Variants in SAMD5 observed in about 807,000 individuals in gnomAD.
The protein encoded by SAMD5 is sterile alpha motif domain containing 5.
A neutral mutation model predicts 11.3 loss-of-function variants in SAMD5; 13 were observed. The ratio of observed to expected loss-of-function variants is 1.15; its 90% confidence interval spans 0.75 to 1.83. The LOEUF is 1.83. Among genes scored for constraint, SAMD5 ranks in the 40% most tolerant of loss-of-function variants. The pLI, the probability that SAMD5 is intolerant of heterozygous loss-of-function variation, is 0.00. For missense variants in SAMD5, 255 were observed against 239.1 expected (o/e 1.07, Z -0.44); for synonymous variants, 129 against 111.3 (o/e 1.16, Z -1.00).
chr6:147,772,317 G>C, the SAMD5 span, among the ~76,000 whole-genome samples: 1 of 152,038 alleles, frequency 6.6e-6, no homozygotes, highest in African/African-American at 2.4e-5. Context: ...GGGATGCTCA[G>C]AACTTCAAGA....
At chr6:147,799,486 C>G in the SAMD5 span, among the ~76,000 whole-genome samples, 2 of 151,478 alleles carry the variant, frequency 1.3e-5, no homozygotes, top group African/African-American at 2.4e-5. Context: ...ACCTTTCTCT[C>G]TGGCTGCCCT....
At chr6:147,797,956 C>G in the SAMD5 span, among the ~76,000 whole-genome samples, 1 of 151,220 alleles carries the variant, frequency 6.6e-6, no homozygotes, top group Non-Finnish European at 1.5e-5. Flanking sequence ...ATTCTTCTCT[C>G]TTTTTTTCTT....
Position 147,567,200 on chromosome 6 carries a change from C to T in SAMD5, c.*2744C>T. 3.0e-6 allele frequency: 3 copies of T among 985,320 alleles called. No homozygotes were observed. The highest frequency in any genetic ancestry group is 3.6e-6 in the Non-Finnish European group (3 of 829,828). 61.0% of individuals were successfully genotyped at this position (985,320 alleles called of 1,614,324 possible). On this transcript the variant is annotated 3_prime_UTR_variant, in exon 2 of 2. Coordinates refer to ENST00000367474, the MANE Select transcript of SAMD5 (RefSeq NM_001030060.3). ...CATAGGGAAGGCGTAATGTTAAGGGCTTCTTCCTTACCCAAGTGGGAGCTG... is the reference window on the plus strand; with the variant it reads ...CATAGGGAAGGCGTAATGTTAAGGGTTTCTTCCTTACCCAAGTGGGAGCTG...
the SAMD5 span, among the ~76,000 whole-genome samples, chr6:147,874,875 G>A: frequency 2.0e-5 from 3 of 151,884 alleles, no homozygotes; most frequent in Non-Finnish European, 2.9e-5. Context: ...TGTGGGATTC[G>A]GGCAGGACTT....
the SAMD5 span, among the ~76,000 whole-genome samples, chr6:147,899,189 A>AAAAAAAAAAAT: frequency 8.1e-6 from 1 of 123,464 alleles, no homozygotes; most frequent in East Asian, 2.4e-4. Context: ...AAAAAAAAAA[A>AAAAAAAAAAAT]AAAAGATAAC....
chr6:147,697,836 C>G (rs1439427742), intron 1 of SAMD5, among the ~76,000 whole-genome samples: 1 of 152,032 alleles, frequency 6.6e-6, no homozygotes. Flanking sequence ...TCAGATAAAA[C>G]AAATGTAAGG....
At chr6:147,559,057 AAGTAC>A (rs1400665240) in intron 1 of SAMD5, among the ~76,000 whole-genome samples, 3 of 152,170 alleles carry the variant, frequency 2.0e-5, no homozygotes, top group Non-Finnish European at 4.4e-5. Context: ...TAATGGTTGA[AAGTAC>A]AGTACAGAAT....
the SAMD5 span, among the ~76,000 whole-genome samples, chr6:147,816,921 C>A: frequency 6.8e-6 from 1 of 148,100 alleles, no homozygotes; most frequent in Non-Finnish European, 1.5e-5. Context: ...GTCCTGTAGT[C>A]TAGTTCAGGT....
chr6:147,729,911 C>G (rs1210367405), intron 1 of SAMD5: 1 of 437,242 alleles, frequency 2.3e-6, no homozygotes, highest in Non-Finnish European at 4.5e-6. Context: ...ATGGTGAAAC[C>G]CTGTCTCTAC....
chr6:147,762,355 CATCCAGCTAATTT>C, the SAMD5 span, among the ~76,000 whole-genome samples: 1 of 151,920 alleles, frequency 6.6e-6, no homozygotes, highest in African/African-American at 2.4e-5. Context: ...TGTGCCACCA[CATCCAGCTAATTT>C]TTGTATTTTT....
chr6:147,512,392 T>G (rs1294170704), intron 1 of SAMD5, among the ~76,000 whole-genome samples: 1 of 152,134 alleles, frequency 6.6e-6, no homozygotes, highest in African/African-American at 2.4e-5. Context: ...TGAAGGTGAA[T>G]TATGCCAAAG....
In SAMD5 at chr6:147,616,980, G is replaced by C. The variant is rs1789882268; in HGVS notation, c.162+107593G>C. On this transcript the variant is annotated intron_variant, in intron 1 of 1. Coordinates refer to the SAMD5 transcript ENST00000566741. ...TACAGTTTGAGGCGAGATTTGGGTG[G>C]GGACACAGAGCCAAACCTTATCCTA... is the stretch of plus-strand genomic sequence containing the variant. Among the ~76,000 whole-genome samples the C allele has an allele frequency of 2.0e-5, 3 of 152,228 alleles. No homozygotes were observed. The South Asian group carries it at 6.2e-4, about 32-fold the overall frequency.
chr6:147,646,520 C>T (rs1790404015), intron 1 of SAMD5, among the ~76,000 whole-genome samples: 1 of 152,146 alleles, frequency 6.6e-6, no homozygotes, highest in Non-Finnish European at 1.5e-5. Flanking sequence ...TACTTGTGTA[C>T]TGTAGTATGC....
intron 1 of SAMD5, chr6:147,729,679 G>C: frequency 2.3e-6 from 1 of 425,602 alleles, no homozygotes; most frequent in Admixed American, 2.6e-5. Flanking sequence ...AAGAGAAGGC[G>C]AATGTGAGTA....
At chr6:147,775,441 C>A in the SAMD5 span, among the ~76,000 whole-genome samples, 1 of 152,108 alleles carries the variant, frequency 6.6e-6, no homozygotes. Flanking sequence ...GTAATGTTAA[C>A]TATTAATGTC....
chr6:147,588,787 G>A (rs1458173468), intron 1 of SAMD5, among the ~76,000 whole-genome samples: 1 of 152,026 alleles, frequency 6.6e-6, no homozygotes, highest in Non-Finnish European at 1.5e-5. Context: ...TTAACTTACG[G>A]AAACTGGTAC....
At chr6:147,720,165 C>T (rs566015391) in intron 1 of SAMD5, among the ~76,000 whole-genome samples, 1 of 152,288 alleles carries the variant, frequency 6.6e-6, no homozygotes, top group Admixed American at 6.5e-5. Context: ...GGATCAGTGA[C>T]ACCAATGGAG....
At chr6:147,611,847 G>A (rs769944627) in intron 1 of SAMD5, among the ~76,000 whole-genome samples, 10 of 152,126 alleles carry the variant, frequency 6.6e-5, no homozygotes, top group Non-Finnish European at 1.2e-4. Context: ...GCAGTCATAC[G>A]TCAGCTTCAT....
At chr6:147,723,166 T>C (rs57079826) in intron 1 of SAMD5, among the ~76,000 whole-genome samples, 28,070 of 152,192 alleles carry the variant, frequency 0.18, 4,352 homozygotes, top group African/African-American at 0.42. Context: ...AGTCTCAGGA[T>C]GGTCCTGTGA....
Sources: gnomAD v4.1 joint callset for allele counts (sites outside exome capture counted in the v4.1 genomes callset) on GRCh38, gnomAD v4.1.1 for gene constraint, MANE v1.5 for transcripts, NCBI Gene and HGNC (gene_info 2026-07-23, HGNC 2026-07-21) for gene names.